The following SLIT3 variants were observed in gnomAD, a reference collection of about 807,000 sequenced individuals.
SLIT3 encodes slit homolog 3 protein.
A neutral mutation model predicts 184.0 loss-of-function variants in SLIT3; 68 were observed. The observed-to-expected ratio is 0.37, with a 90% CI of 0.30 to 0.45. The LOEUF is 0.45. Ranked by LOEUF, SLIT3 falls within the 20% of genes least tolerant of loss-of-function variation. The pLI is 1.00. For synonymous variants in SLIT3, 831 were observed against 828.6 expected (o/e 1.00, Z -0.05); for missense variants, 1,707 against 2,026.0 (o/e 0.84, Z 3.02).
chr5:169,166,635 C>T (rs1762644618), intron 4 of SLIT3, among the ~76,000 whole-genome samples: 1 of 152,174 alleles, frequency 6.6e-6, no homozygotes, highest in Non-Finnish European at 1.5e-5. Flanking sequence ...CCCTCTTCAA[C>T]CCACCCAGTC....
intron 6 of SLIT3, among the ~76,000 whole-genome samples, chr5:168,839,497 G>A (rs1185361115): frequency 6.6e-6 from 1 of 152,204 alleles, no homozygotes; most frequent in African/African-American, 2.4e-5. Flanking sequence ...TTTTTCCAGA[G>A]AAGCTGGAAA....
In SLIT3 at chr5:168,984,300, G is replaced by A. The variant is rs1305560363; in HGVS notation, c.414-100964C>T. ...AATGTGGGGACTGGCTGGGCCCGTC[G>A]GTGCCTGATGCAGAGCTCCTCAAAT... On this transcript the variant is annotated intron_variant, in intron 4 of 35. Transcript: ENST00000519560. Among the ~76,000 whole-genome samples the A allele has an allele frequency of 3.9e-5, 6 of 152,194 alleles. 1 individual carries two copies. The highest frequency in any genetic ancestry group is 3.3e-4 in the Admixed American group (5 of 15,290).
At chr5:168,926,433 T>C (rs1761826265) in intron 4 of SLIT3, among the ~76,000 whole-genome samples, 1 of 152,174 alleles carries the variant, frequency 6.6e-6, no homozygotes, top group African/African-American at 2.4e-5. Context: ...AATTATTAAT[T>C]ATTCAGATAA....
chr5:169,251,142 T>C lies in SLIT3; in HGVS notation c.269+246A>G, dbSNP rs1007581181. Among the ~76,000 whole-genome samples the C allele has an allele frequency of 2.6e-5, 4 of 152,340 alleles. No individual in the cohort carries two copies. The East Asian group carries it at 5.8e-4, about 22-fold the overall frequency. On this transcript the variant is annotated intron_variant, in intron 2 of 35. Coordinates refer to ENST00000519560, the MANE Select transcript of SLIT3 (RefSeq NM_003062.4). Reference sequence around the variant, plus strand: ...CTGGGCATGGTGATTTATTTGTTCATAGCCTTCCACTTTCCCTATCACTGG... The same window carrying C: ...CTGGGCATGGTGATTTATTTGTTCACAGCCTTCCACTTTCCCTATCACTGG...
In SLIT3 at chr5:169,275,800, T is replaced by C. The variant is rs961642561; in HGVS notation, c.198-24341A>G. Among the ~76,000 whole-genome samples the C allele has an allele frequency of 1.3e-5, 2 of 152,030 alleles. 1 individual carries two copies. The highest frequency in any genetic ancestry group is 2.9e-5 in the Non-Finnish European group (2 of 68,004). On this transcript the variant is annotated intron_variant, in intron 1 of 35. Transcript: ENST00000519560. ...CAGGTGGGAATTCTGGGAGATACAA[T>C]TGAAGTTGAGATTTGAATGGGGACA...
chr5:168,716,653 T>C (rs1264485361), intron 23 of SLIT3, among the ~76,000 whole-genome samples: 2 of 152,238 alleles, frequency 1.3e-5, no homozygotes, highest in Non-Finnish European at 2.9e-5. Flanking sequence ...AGAGGAGACA[T>C]TGCATCTTGG....
chr5:169,258,211 G>A (rs149366184), intron 1 of SLIT3, among the ~76,000 whole-genome samples: 111 of 152,262 alleles, frequency 7.3e-4, no homozygotes, highest in African/African-American at 2.5e-3. Context: ...AAAGGCCATA[G>A]TTTCACTTAT....
chr5:169,191,337 A>T (rs1763544453), intron 4 of SLIT3, among the ~76,000 whole-genome samples: 1 of 152,180 alleles, frequency 6.6e-6, no homozygotes. Flanking sequence ...AAATGAGTCA[A>T]ATACCATTCC....
chr5:168,842,469 G>GTTTTTTTTTTTTTTTTTTTT (rs778998998), intron 6 of SLIT3, among the ~76,000 whole-genome samples: 13 of 88,072 alleles, frequency 1.5e-4, no homozygotes, highest in African/African-American at 2.9e-4. Flanking sequence ...CCGTTTTTTC[G>GTTTTTTTTTTTTTTTTTTTT]TTTTTTTTTT....
At chr5:168,762,897 T>A (rs532711003) in intron 14 of SLIT3, among the ~76,000 whole-genome samples, 2 of 152,074 alleles carry the variant, frequency 1.3e-5, no homozygotes, top group African/African-American at 2.4e-5. Flanking sequence ...CCCATGGATC[T>A]TTGTTATTCA....
At chr5:169,199,364 G>C (rs180872906) in intron 3 of SLIT3, among the ~76,000 whole-genome samples, 10 of 152,218 alleles carry the variant, frequency 6.6e-5, no homozygotes, top group Admixed American at 5.2e-4. Context: ...ACAGGAGTGC[G>C]GGTATGAAAA....
chr5:168,722,173 G>C, intron 23 of SLIT3, 83 bp downstream of exon 23: 1 of 1,246,794 alleles, frequency 8.0e-7, no homozygotes, highest in Non-Finnish European at 1.2e-6. Context: ...TTTGGGCAGA[G>C]AGTGGGGAAG....
rs1486603203 is a variant in SLIT3, at chr5:169,143,923, GGA to G, written c.413+49554_413+49555del. Among the ~76,000 whole-genome samples the G allele has an allele frequency of 1.1e-4, 17 of 152,294 alleles. 1 individual carries two copies. Among genetic ancestry groups the G allele is most frequent in the Admixed American group, 1.1e-3 (17 of 15,294 alleles). ...GTCACATGGCTCCATGGCAAAAAGT[GGA>G]GAGAAAATACAGAAATATCAAAGTA... On this transcript the variant is annotated intron_variant, in intron 4 of 35. Transcript: ENST00000519560.
chr5:168,827,664 T>G (rs747159322), intron 6 of SLIT3, among the ~76,000 whole-genome samples: 7 of 152,120 alleles, frequency 4.6e-5, no homozygotes, highest in Non-Finnish European at 8.8e-5. Flanking sequence ...TAAGACAACA[T>G]TCATAGGTTT....
intron 4 of SLIT3, among the ~76,000 whole-genome samples, chr5:169,117,010 G>A (rs1011231155): frequency 5.0e-4 from 76 of 152,126 alleles, no homozygotes; most frequent in Non-Finnish European, 7.4e-5. Context: ...ACAATATCCA[G>A]CAGGGGGCAG....
At chr5:169,078,619 T>G (rs1281397245) in intron 4 of SLIT3, among the ~76,000 whole-genome samples, 1 of 152,184 alleles carries the variant, frequency 6.6e-6, no homozygotes, top group African/African-American at 2.4e-5. Context: ...TTCTTTACCC[T>G]TCATCTTCAT....
chr5:168,919,443 T>C (rs1306232662), intron 4 of SLIT3, among the ~76,000 whole-genome samples: 1 of 152,100 alleles, frequency 6.6e-6, no homozygotes, highest in Non-Finnish European at 1.5e-5. Flanking sequence ...TAATTATGTT[T>C]TGAGATGGAG....
At chr5:169,266,287 A>T (rs938456497) in intron 1 of SLIT3, among the ~76,000 whole-genome samples, 3 of 152,198 alleles carry the variant, frequency 2.0e-5, no homozygotes, top group African/African-American at 7.2e-5. Context: ...AATGTAGGGA[A>T]TACGGTATGG....
At chr5:169,118,519 G>A (rs1760771095) in intron 4 of SLIT3, among the ~76,000 whole-genome samples, 1 of 152,134 alleles carries the variant, frequency 6.6e-6, no homozygotes, top group African/African-American at 2.4e-5. Context: ...TTGTTCTGCT[G>A]CTCTTGAGGT....
Sources: allele counts gnomAD v4.1 joint callset (sites outside exome capture counted in the v4.1 genomes callset), GRCh38; gene constraint gnomAD v4.1.1; transcripts MANE v1.5; gene names NCBI Gene and HGNC (gene_info 2026-07-23, HGNC 2026-07-21).